COL1A1: variants seen among roughly 807,000 people sequenced by gnomAD.
The protein encoded by COL1A1 is collagen type I alpha 1 chain.
In COL1A1, 21 loss-of-function variants were observed where a neutral mutation model predicts 195.7. That is an observed-to-expected ratio of 0.11 (90% CI 0.08 to 0.15). COL1A1 has a LOEUF of 0.15. COL1A1 is among the 10% of genes least tolerant of loss of function. COL1A1 has a pLI of 1.00. For synonymous variants in COL1A1, 749 were observed against 747.3 expected, an observed-to-expected ratio of 1.00 and a Z score of -0.04; for missense variants, 1,365 against 2,051.0, an observed-to-expected ratio of 0.67 and a Z score of 6.46.
chr17:50,195,862 A>C lies in COL1A1; in HGVS notation c.1056+61T>G. ...TCTGGGTCCCTTTGGTTTGGGGAAC[A>C]GGGAGACATGAACCCCTTGGCCCAT... On this transcript the variant is annotated intron_variant, in intron 16 of 50. Transcript: ENST00000225964. The surrounding 1 kb of genome is among the most constrained non-coding windows in gnomAD (Gnocchi z 4.3). The C allele has an allele frequency of 6.5e-7, 1 of 1,542,586 alleles. No individual in the cohort carries two copies. The highest frequency in any genetic ancestry group is 2.4e-5 in the East Asian group (1 of 41,186).
At position 50,199,750 on chromosome 17, in the gene COL1A1, C is replaced by A. The variant is rs1192790645; in HGVS notation, c.298+3G>T. The A allele has an allele frequency of 6.2e-7, 1 of 1,611,692 alleles. No individual in the cohort carries two copies. Among genetic ancestry groups the A allele is most frequent in the Non-Finnish European group, 8.5e-7 (1 of 1,179,676 alleles). ...AGGCCCCAGGCCCCGAGCGCAGCCG[C>A]ACCTGAGCCGTCGGGGCAGACGGGA... On this transcript the variant is annotated splice_donor_region_variant and intron_variant, in intron 2 of 50. Transcript: ENST00000225964.
Position 50,191,883 on chromosome 17 carries a change from C to A in COL1A1, c.2032G>T (p.Glu678Ter). ...GAPGPSGARG[E>*]RGFPGERGVQ... ...CCACGCTCGCCAGGGAAACCTCTCT[C>A]GCCCTAGAAGGGAAGGACAGGGCAT... Residue 678 changes from glutamate (E) to a stop codon, truncating the protein, a stop_gained, in exon 31 of 51, where the codon GAG becomes TAG. Transcript: ENST00000225964. LOFTEE classifies it high-confidence loss of function. 6.2e-7 allele frequency: 1 copy of A among 1,601,962 alleles called. No individual in the cohort carries two copies. Among genetic ancestry groups the A allele is most frequent in the East Asian group, 2.2e-5 (1 of 44,532 alleles).
intron 31 of COL1A1, 89 bp from the exon 32 acceptor site, chr17:50,191,579 G>A (rs764768460): frequency 3.2e-5 from 43 of 1,331,308 alleles, no homozygotes; most frequent in Non-Finnish European, 4.3e-5. Context: ...TCCCAGGCTT[G>A]TTTCCAAGGC....
Position 50,186,008 on chromosome 17 carries a change from C to G in COL1A1, c.4018G>C (p.Gly1340Arg). 1 of 1,613,176 alleles carries G rather than the reference C, an allele frequency of 6.2e-7. No individual in the cohort carries two copies. Among genetic ancestry groups the G allele is most frequent in the Non-Finnish European group, 8.5e-7 (1 of 1,179,980 alleles). ...ACATCGGCAGGGTCGGAGCCCTGGC[C>G]GCCATACTCGAACTGCAGGGGAGGG... Reference protein sequence around the residue: ...MTDGFQFEYGGQGSDPADVAI... With the variant: ...MTDGFQFEYGRQGSDPADVAI... The change falls in exon 50 of 51, where the codon GGC becomes CGC. Residue 1340 changes from glycine (G) to arginine (R), a missense_variant. Gly to Arg is a moderately radical substitution (Grantham distance 125). Transcript: ENST00000225964. This position sits in a 1 kb window ranked among gnomAD's most constrained non-coding sequence, Gnocchi z 5.3.
At position 50,186,553 on chromosome 17, in the gene COL1A1, A is replaced by G; in HGVS notation, c.3815-46T>C. On this transcript the variant is annotated intron_variant, in intron 48 of 50. Coordinates refer to ENST00000225964, the MANE Select transcript of COL1A1 (RefSeq NM_000088.4). This position sits in a 1 kb window ranked among gnomAD's most constrained non-coding sequence, Gnocchi z 5.3. ...ATGGAGTCAGGGAAAGGGAGCAGCC[A>G]GCACCATATGGTAGGGGCACATATG... 1 of 1,613,870 alleles carries G rather than the reference A, an allele frequency of 6.2e-7. No homozygotes were observed. The highest frequency in any genetic ancestry group is 8.5e-7 in the Non-Finnish European group (1 of 1,179,788).
chr17:50,195,325 A>G lies in COL1A1; in HGVS notation c.1206T>C (p.Ala402=), dbSNP rs141411256. The change falls in exon 19 of 51, where the codon GCT becomes GCC. Residue 402 remains alanine (A), a synonymous_variant. Transcript: ENST00000225964. This position sits in a 1 kb window ranked among gnomAD's most constrained non-coding sequence, Gnocchi z 4.3. Reference sequence around the variant, plus strand: ...AGCCAGGAGCACCAGCAATACCAGGAGCACCCTGTGGGAGGCAGACAGCCA... The same window carrying G: ...AGCCAGGAGCACCAGCAATACCAGGGGCACCCTGTGGGAGGCAGACAGCCA... ...GQPGAKGANG[A]PGIAGAPGFP... 2 of 1,613,758 alleles carry G rather than the reference A, an allele frequency of 1.2e-6. No individual in the cohort carries two copies. The highest frequency in any genetic ancestry group is 1.7e-6 in the Non-Finnish European group (2 of 1,179,890).
At chr17:50,192,313 G>GC in intron 29 of COL1A1, 162 bp downstream of exon 29, 2 of 846,076 alleles carry the variant, frequency 2.4e-6, no homozygotes, top group Non-Finnish European at 3.9e-6. Flanking sequence ...CAATCATGCA[G>GC]CCCCCACTTC....
chr17:50,191,608 A>C, intron 31 of COL1A1, 118 bp from the exon 32 acceptor site: 1 of 1,151,004 alleles, frequency 8.7e-7, no homozygotes, highest in Non-Finnish European at 1.3e-6. Flanking sequence ...AGCCTTGAGA[A>C]AAGATGAAAA....
chr17:50,196,237 G>A (rs769237597), intron 14 of COL1A1, 38 bp from the exon 15 acceptor site: 6 of 1,613,458 alleles, frequency 3.7e-6, no homozygotes, highest in Non-Finnish European at 5.1e-6. Flanking sequence ...AGTCCACTGA[G>A]CACTGGCCAG....
At chr17:50,199,488 G>A (rs780989411) in intron 3 of COL1A1, 35 bp from the exon 4 acceptor site, 44 of 1,614,196 alleles carry the variant, frequency 2.7e-5, no homozygotes, top group Non-Finnish European at 3.6e-5. Context: ...AAGAGGCCAG[G>A]TTAGAGAAGG....
In COL1A1 at chr17:50,186,956, G is replaced by A. The variant is rs760879129; in HGVS notation, c.3532-34C>T. ...AGAGGGAAGAGAGTGGGGATTACCG[G>A]CATCCAAGTGCTTTGGGGGCTGGAG... On this transcript the variant is annotated intron_variant, in intron 47 of 50. Transcript: ENST00000225964. The surrounding 1 kb of genome is among the most constrained non-coding windows in gnomAD (Gnocchi z 5.3). 1 of 1,612,304 alleles carries A rather than the reference G, an allele frequency of 6.2e-7. No homozygotes were observed. The highest frequency in any genetic ancestry group is 1.1e-5 in the South Asian group (1 of 91,018).
chr17:50,188,926 G>T lies in COL1A1; in HGVS notation c.3022C>A (p.Pro1008Thr). The T allele has an allele frequency of 1.9e-6, 3 of 1,611,092 alleles. No homozygotes were observed. The highest frequency in any genetic ancestry group is 1.3e-5 in the African/African-American group (1 of 74,940). The part of the protein sequence containing the change: ...GPMGPPGLAG[P>T]PGESGREGAP... ...ACCTCACGTCCAGATTCACCAGGGG[G>T]TCCAGCCAATCCAGGGGGGCCCATG... The change falls in exon 41 of 51, where the codon CCC becomes ACC. Residue 1008 changes from proline to threonine, a missense_variant. Pro to Thr is a conservative substitution (Grantham distance 38). This residue lies in a region of COL1A1 where 671 missense variants were observed against 1,099.9 expected (regional missense o/e 0.61). Transcript: ENST00000225964. The surrounding 1 kb of genome is among the most constrained non-coding windows in gnomAD (Gnocchi z 5.6).
At position 50,199,935 on chromosome 17, in the gene COL1A1, G is replaced by T; in HGVS notation, c.116C>A (p.Thr39Asn). The T allele has an allele frequency of 6.2e-7, 1 of 1,614,204 alleles. No individual in the cohort carries two copies. The change falls in exon 2 of 51, where the codon ACC (threonine) becomes AAC (asparagine). Residue 39 changes from threonine to asparagine, a missense_variant. Coordinates refer to ENST00000225964, the MANE Select transcript of COL1A1 (RefSeq NM_000088.4). Reference sequence around the variant, plus strand: ...GTACCTGAGGCCGTTCTGTACGCAGGTGATTGGTGGGACTGGGACAGGCGG... The same window carrying T: ...GTACCTGAGGCCGTTCTGTACGCAGTTGATTGGTGGGACTGGGACAGGCGG... ...EGQDEDIPPI[T>N]CVQNGLRYHD...
intron 14 of COL1A1, 56 bp downstream of exon 14, chr17:50,196,258 T>C: frequency 6.2e-7 from 1 of 1,611,492 alleles, no homozygotes; most frequent in Non-Finnish European, 8.5e-7. Context: ...TCCCTAGAGT[T>C]CCTGGGGAGC....
Position 50,199,240 on chromosome 17 carries a change from G to C in COL1A1, c.457C>G (p.Pro153Ala). The C allele has an allele frequency of 6.8e-7, 1 of 1,467,176 alleles. No homozygotes were observed. The highest frequency in any genetic ancestry group is 9.0e-7 in the Non-Finnish European group (1 of 1,105,994). The allele number at this position is 1,467,176 out of a possible 1,614,324, so 90.9% of individuals were successfully genotyped here. ...TCTCCACTTACTCCTCCGAGGCCAG[G>C]GGGTCCGGGAGGTCCGGGGGGTCCG... ...PPGPPGPPGP[P>A]GLGGNFAPQL... is the part of the protein sequence containing the mutation. The change falls in exon 5 of 51, where the codon CCT becomes GCT. Residue 153 changes from proline to alanine, a missense_variant. Coordinates refer to ENST00000225964, the MANE Select transcript of COL1A1 (RefSeq NM_000088.4).
rs2075559 is a variant in COL1A1, at chr17:50,189,930, G to A, written c.2560-18C>T. 11 of 1,612,462 alleles carry A rather than the reference G, an allele frequency of 6.8e-6. No homozygotes were observed. The highest frequency in any genetic ancestry group is 1.3e-5 in the African/African-American group (1 of 74,790). ...ACATTACCCTGTAGGAGAGCACAGA[G>A]GCATCAAGCCTGGACCCGTCCTGGG... On this transcript the variant is annotated intron_variant, in intron 36 of 50. Coordinates refer to ENST00000225964, the MANE Select transcript of COL1A1 (RefSeq NM_000088.4). The surrounding 1 kb of genome is among the most constrained non-coding windows in gnomAD (Gnocchi z 5.5).
intron 9 of COL1A1, 81 bp from the exon 10 acceptor site, chr17:50,197,314 C>T: frequency 6.9e-7 from 1 of 1,440,694 alleles, no homozygotes; most frequent in Non-Finnish European, 9.8e-7. Context: ...AGGTCTCAGT[C>T]TTCTTTGGAT....
chr17:50,187,459 A>G, intron 46 of COL1A1, 25 bp downstream of exon 46: 1 of 1,613,592 alleles, frequency 6.2e-7, no homozygotes, highest in Non-Finnish European at 8.5e-7. Context: ...GGGCTCAGGA[A>G]GAGGAGAGAG....
chr17:50,188,255 C>CCA lies in COL1A1; in HGVS notation c.3208-108_3208-107dup. 1 of 1,144,580 alleles carries CCA rather than the reference C, an allele frequency of 8.7e-7. No individual in the cohort carries two copies. Among genetic ancestry groups the CCA allele is most frequent in the Non-Finnish European group, 1.2e-6 (1 of 816,664 alleles). The allele number at this position is 1,144,580 out of a possible 1,614,324, so 70.9% of individuals were successfully genotyped here. ...GGATCTCTCTCTCCTCAGCTGCTTC[C>CCA]CACTGTGGCCATCTCTCCCAACTCC... is the stretch of plus-strand genomic sequence containing the variant. On this transcript the variant is annotated intron_variant, in intron 43 of 50. Coordinates refer to ENST00000225964, the MANE Select transcript of COL1A1 (RefSeq NM_000088.4). The surrounding 1 kb of genome is among the most constrained non-coding windows in gnomAD (Gnocchi z 5.6).
Sources: gnomAD v4.1 joint callset for allele counts on GRCh38, gnomAD v4.1.1 for gene constraint, gnomAD v4.1.1 regional missense constraint, Gnocchi (gnomAD v3.1) non-coding constraint, MANE v1.5 for transcripts, NCBI Gene and HGNC (gene_info 2026-07-23, HGNC 2026-07-21) for gene names.